Variants in CADPS2 observed in about 807,000 individuals in gnomAD.
The protein encoded by CADPS2 is calcium dependent secretion activator 2, also known as calcium-dependent secretion activator 2.
CADPS2 carries 93 observed loss-of-function variants against 172.5 expected under a neutral mutation model. The observed-to-expected ratio is 0.54, with a 90% CI of 0.46 to 0.64. CADPS2 has a LOEUF of 0.64. Among genes scored for constraint, CADPS2 ranks in the 30% least tolerant of loss-of-function variants. CADPS2 has a pLI of 0.00. For missense variants in CADPS2, 1,420 were observed against 1,565.9 expected, an observed-to-expected ratio of 0.91 and a Z score of 1.57; for synonymous variants, 546 against 555.2, an observed-to-expected ratio of 0.98 and a Z score of 0.23.
chr7:122,496,058 T>C (rs987306290), intron 9 of CADPS2, among the ~76,000 whole-genome samples: 3 of 152,236 alleles, frequency 2.0e-5, no homozygotes, highest in African/African-American at 7.2e-5. Context: ...TTTTTAATGT[T>C]TTCGAGAAAT....
At chr7:122,831,524 G>C (rs1440957928) in intron 1 of CADPS2, among the ~76,000 whole-genome samples, 1 of 152,168 alleles carries the variant, frequency 6.6e-6, no homozygotes, top group Non-Finnish European at 1.5e-5. Context: ...TCCCCAAATG[G>C]GGAAGTACTT....
intron 3 of CADPS2, among the ~76,000 whole-genome samples, chr7:122,632,836 A>G (rs1423073615): frequency 2.0e-5 from 3 of 152,196 alleles, no homozygotes; most frequent in Non-Finnish European, 2.9e-5. Context: ...GAAGTCTTAC[A>G]TTTAAGTCGT....
At chr7:122,641,075 C>A (rs536371648) in intron 3 of CADPS2, among the ~76,000 whole-genome samples, 14 of 152,020 alleles carry the variant, frequency 9.2e-5, no homozygotes, top group Non-Finnish European at 1.6e-4. Context: ...GGCAATTTCA[C>A]CTTTTAATGT....
intron 1 of CADPS2, among the ~76,000 whole-genome samples, chr7:122,780,811 T>C (rs1792503812): frequency 6.6e-6 from 1 of 152,202 alleles, no homozygotes; most frequent in Non-Finnish European, 1.5e-5. Flanking sequence ...TAGTATATGG[T>C]ATGTGGCTGC....
chr7:122,523,049 T>C (rs750782140), intron 8 of CADPS2, among the ~76,000 whole-genome samples: 43 of 152,154 alleles, frequency 2.8e-4, no homozygotes, highest in Non-Finnish European at 5.9e-4. Context: ...AGGTATCTCT[T>C]TGATTCACTG....
At chr7:122,711,976 A>G (rs965974415) in intron 2 of CADPS2, among the ~76,000 whole-genome samples, 1 of 152,074 alleles carries the variant, frequency 6.6e-6, no homozygotes, top group Non-Finnish European at 1.5e-5. Flanking sequence ...GTATTTAAAC[A>G]TATTTTGCAG....
At position 122,726,589 on chromosome 7, in the gene CADPS2, C is replaced by T. The variant is rs116004220; in HGVS notation, c.453+10366G>A. Among the ~76,000 whole-genome samples, 1,480 of 151,946 alleles carry T rather than the reference C, an allele frequency of 9.7e-3. 23 individuals are homozygous for T. Among genetic ancestry groups the T allele is most frequent in the African/African-American group, 0.034 (1,405 of 41,484 alleles). On this transcript the variant is annotated intron_variant, in intron 2 of 29. Coordinates refer to ENST00000449022, the MANE Select transcript of CADPS2 (RefSeq NM_017954.11). ...TGATAAAAAGAACTATTGAGTAAAT[C>T]TGACAGAGGATTAGCAAACGACATG...
At chr7:122,604,247 T>C (rs1468688598) in intron 6 of CADPS2, among the ~76,000 whole-genome samples, 2 of 152,166 alleles carry the variant, frequency 1.3e-5, no homozygotes, top group South Asian at 2.1e-4. Flanking sequence ...TCCTAACTTA[T>C]GTATATCACC....
At chr7:122,400,449 C>G (rs538671954) in intron 20 of CADPS2, among the ~76,000 whole-genome samples, 2 of 150,778 alleles carry the variant, frequency 1.3e-5, no homozygotes, top group African/African-American at 4.9e-5. Context: ...AAAAACAAAA[C>G]AAAAACAAAA....
chr7:122,481,980 G>GA (rs2057356602), intron 11 of CADPS2, among the ~76,000 whole-genome samples: 1 of 152,126 alleles, frequency 6.6e-6, no homozygotes, highest in Non-Finnish European at 1.5e-5. Context: ...TCAGTGAGGC[G>GA]AGATGGCACC....
intron 5 of CADPS2, among the ~76,000 whole-genome samples, chr7:122,618,730 T>C (rs2075252500): frequency 6.6e-6 from 1 of 152,316 alleles, no homozygotes; most frequent in African/African-American, 2.4e-5. Flanking sequence ...CAAGGCTTGC[T>C]GAAAGGACTA....
chr7:122,619,315 A>T (rs2075311765), intron 5 of CADPS2, among the ~76,000 whole-genome samples: 1 of 152,084 alleles, frequency 6.6e-6, no homozygotes, highest in Non-Finnish European at 1.5e-5. Flanking sequence ...TCTACAAATT[A>T]TTTTTTTCAT....
intron 2 of CADPS2, among the ~76,000 whole-genome samples, chr7:122,670,993 T>G (rs1464401370): frequency 6.6e-6 from 1 of 151,746 alleles, no homozygotes; most frequent in Non-Finnish European, 1.5e-5. Flanking sequence ...TACCTCACCA[T>G]CCCCTAATTA....
intron 20 of CADPS2, among the ~76,000 whole-genome samples, chr7:122,400,444 C>CA (rs2045804973): frequency 1.3e-5 from 2 of 150,090 alleles, no homozygotes; most frequent in South Asian, 4.2e-4. Context: ...TCTCAAAAAA[C>CA]AAAACAAAAA....
intron 11 of CADPS2, among the ~76,000 whole-genome samples, chr7:122,482,418 T>C (rs956991937): frequency 6.6e-6 from 1 of 152,070 alleles, no homozygotes; most frequent in African/African-American, 2.4e-5. Context: ...GAAAAGTTCC[T>C]TACTCCACTC....
chr7:122,520,345 T>G (rs75646026), intron 8 of CADPS2, among the ~76,000 whole-genome samples: 63 of 142,726 alleles, frequency 4.4e-4, no homozygotes, highest in East Asian at 2.5e-3. Flanking sequence ...ATGTGTGTGT[T>G]TTTTTTTTAA....
intron 22 of CADPS2, among the ~76,000 whole-genome samples, chr7:122,390,938 A>T (rs1049566602): frequency 6.6e-6 from 1 of 152,048 alleles, no homozygotes; most frequent in Non-Finnish European, 1.5e-5. Context: ...TAGAGAAAAA[A>T]AAACAGAATA....
At chr7:122,797,146 C>A (rs1416289476) in intron 1 of CADPS2, among the ~76,000 whole-genome samples, 1 of 151,724 alleles carries the variant, frequency 6.6e-6, no homozygotes, top group Non-Finnish European at 1.5e-5. Flanking sequence ...AATCAAACCA[C>A]AACGAGATAT....
intron 1 of CADPS2, among the ~76,000 whole-genome samples, chr7:122,843,724 C>T (rs1465613960): frequency 6.6e-6 from 1 of 152,036 alleles, no homozygotes; most frequent in East Asian, 1.9e-4. Context: ...GATGAGAACA[C>T]AAGAGCTAGA....
Sources: gnomAD v4.1 joint callset for allele counts (sites outside exome capture counted in the v4.1 genomes callset) on GRCh38, gnomAD v4.1.1 for gene constraint, MANE v1.5 for transcripts, NCBI Gene and HGNC (gene_info 2026-07-23, HGNC 2026-07-21) for gene names.